Variants in SORL1 observed in about 807,000 individuals in gnomAD.
SORL1 encodes the protein sortilin related receptor 1.
A neutral mutation model predicts 273.7 loss-of-function variants in SORL1; 127 were observed. That is an observed-to-expected ratio of 0.46 (90% CI 0.40 to 0.54). SORL1 has a LOEUF of 0.54. SORL1 is among the 20% of genes least tolerant of loss of function. The pLI, the probability that SORL1 is intolerant of heterozygous loss-of-function variation, is 0.00. For synonymous variants in SORL1, 1,031 were observed against 1,067.4 expected, an observed-to-expected ratio of 0.97 and a Z score of 0.66; for missense variants, 2,494 against 2,846.1, an observed-to-expected ratio of 0.88 and a Z score of 2.81.
At chr11:121,539,419 C>G (rs1398515471) in intron 12 of SORL1, among the ~76,000 whole-genome samples, 4 of 152,108 alleles carry the variant, frequency 2.6e-5, no homozygotes, top group African/African-American at 9.7e-5. Flanking sequence ...TTTCCCTATT[C>G]TAGTTTTTGA....
At chr11:121,613,766 C>T (rs1003062228) in intron 40 of SORL1, among the ~76,000 whole-genome samples, 3 of 152,162 alleles carry the variant, frequency 2.0e-5, no homozygotes, top group Non-Finnish European at 2.9e-5. Context: ...GGATTGGAAC[C>T]CACATCTTTC....
intron 3 of SORL1, among the ~76,000 whole-genome samples, chr11:121,481,109 A>G (rs868296650): frequency 3.5e-4 from 30 of 86,290 alleles, no homozygotes; most frequent in East Asian, 7.2e-4. Context: ...CTCCCCTAGT[A>G]CACAGATACC....
intron 21 of SORL1, among the ~76,000 whole-genome samples, chr11:121,565,627 T>TG (rs1181132278): frequency 6.6e-6 from 1 of 152,246 alleles, no homozygotes; most frequent in Non-Finnish European, 1.5e-5. Flanking sequence ...TCTAAGTTTT[T>TG]ATGTTCATTT....
chr11:121,538,717 C>G (rs972012747), intron 12 of SORL1, among the ~76,000 whole-genome samples: 4 of 151,996 alleles, frequency 2.6e-5, no homozygotes, highest in Non-Finnish European at 4.4e-5. Flanking sequence ...CTCACTCTGT[C>G]GCTTAGGCTG....
chr11:121,593,253 G>A (rs1863243460), intron 31 of SORL1, among the ~76,000 whole-genome samples: 2 of 152,094 alleles, frequency 1.3e-5, no homozygotes, highest in African/African-American at 2.4e-5. Context: ...TGAGATATAG[G>A]GAAAGCCCCT....
Position 121,590,024 on chromosome 11 carries a change from T to C in SORL1, c.4079-16T>C. The stretch of plus-strand genomic sequence containing the variant: ...GATGCAGGGAAAGCAACTGATGATG[T>C]GGTTGATCTCTGCAGAAAACCCCAC... On this transcript the variant is annotated splice_polypyrimidine_tract_variant and intron_variant, in intron 29 of 47. Transcript: ENST00000260197. The C allele has an allele frequency of 6.2e-7, 1 of 1,613,236 alleles. No homozygotes were observed. The highest frequency in any genetic ancestry group is 8.5e-7 in the Non-Finnish European group (1 of 1,179,502).
intron 38 of SORL1, chr11:121,610,161 A>G (rs1863540411): frequency 6.6e-6 from 1 of 152,248 alleles, no homozygotes; most frequent in Non-Finnish European, 1.5e-5. Context: ...TGCCCAGTCT[A>G]TAGAAGGGGC....
chr11:121,504,759 C>T (rs1206872580), intron 6 of SORL1, among the ~76,000 whole-genome samples: 3 of 152,076 alleles, frequency 2.0e-5, no homozygotes, highest in African/African-American at 7.2e-5. Context: ...AGTAGGCATC[C>T]TTGTCTTATT....
At chr11:121,576,752 C>T in intron 24 of SORL1, 1 of 1,469,546 alleles carries the variant, frequency 6.8e-7, no homozygotes, top group Non-Finnish European at 9.0e-7. Flanking sequence ...GTCCCTGGAG[C>T]TCTGCCCACA....
chr11:121,530,837 C>T (rs1171264398), intron 11 of SORL1, among the ~76,000 whole-genome samples: 1 of 152,208 alleles, frequency 6.6e-6, no homozygotes, highest in East Asian at 1.9e-4. Flanking sequence ...CCTTTTTCCC[C>T]TGTATGTTCT....
At chr11:121,603,021 C>T (rs1863418524) in intron 32 of SORL1, among the ~76,000 whole-genome samples, 1 of 152,196 alleles carries the variant, frequency 6.6e-6, no homozygotes, top group Non-Finnish European at 1.5e-5. Flanking sequence ...CTTCTGTATT[C>T]TCTCTGTCTC....
At chr11:121,530,793 CT>C (rs1357122615) in intron 11 of SORL1, among the ~76,000 whole-genome samples, 1 of 152,004 alleles carries the variant, frequency 6.6e-6, no homozygotes, top group Non-Finnish European at 1.5e-5. Context: ...GTTATTGTTC[CT>C]TGTGTCCTTG....
At chr11:121,623,704 C>T (rs932059421) in intron 45 of SORL1, among the ~76,000 whole-genome samples, 8 of 152,176 alleles carry the variant, frequency 5.3e-5, no homozygotes, top group African/African-American at 1.7e-4. Flanking sequence ...GGCAGCCAGT[C>T]GCCATTAGGG....
At chr11:121,541,048 A>G (rs1862339493) in intron 12 of SORL1, among the ~76,000 whole-genome samples, 1 of 152,230 alleles carries the variant, frequency 6.6e-6, no homozygotes, top group Non-Finnish European at 1.5e-5. Flanking sequence ...TATCTGTTTC[A>G]AAATTTTCTT....
chr11:121,532,687 CTTT>C (rs35892410), intron 12 of SORL1, 135 bp downstream of exon 12: 1,082 of 518,490 alleles, frequency 2.1e-3, no homozygotes, highest in South Asian at 3.0e-3. Flanking sequence ...ATGAGTTAAA[CTTT>C]TTTTTTTTTT....
chr11:121,499,836 A>G (rs1456320523), intron 6 of SORL1, among the ~76,000 whole-genome samples: 1 of 152,226 alleles, frequency 6.6e-6, no homozygotes, highest in Non-Finnish European at 1.5e-5. Context: ...TGGGAAAATC[A>G]AAGAACTGAT....
intron 41 of SORL1, among the ~76,000 whole-genome samples, 157 bp downstream of exon 41, chr11:121,615,212 G>A (rs1863622590): frequency 6.6e-6 from 1 of 152,104 alleles, no homozygotes; most frequent in African/African-American, 2.4e-5. Context: ...TTTCATACGT[G>A]CATTATGATT....
At chr11:121,618,137 C>T (rs1482869799) in intron 41 of SORL1, among the ~76,000 whole-genome samples, 1 of 152,206 alleles carries the variant, frequency 6.6e-6, no homozygotes, top group African/African-American at 2.4e-5. Flanking sequence ...GACACTTCTG[C>T]ATCTCAATGG....
Position 121,532,559 on chromosome 11 carries a change from GTC to G in SORL1, c.1685+11_1685+12del, listed in dbSNP as rs1862217178. On this transcript the variant is annotated splice_region_variant and intron_variant, in intron 12 of 47. Transcript: ENST00000260197. ...TGGAAACCAACGAGCTAAAGTAAGT[GTC>G]TCTGATGAGGCCTTTTAACATCAAA... The G allele has an allele frequency of 6.2e-7, 1 of 1,612,430 alleles. No homozygotes were observed. The highest frequency in any genetic ancestry group is 8.5e-7 in the Non-Finnish European group (1 of 1,178,560).
Sources: allele counts gnomAD v4.1 joint callset (sites outside exome capture counted in the v4.1 genomes callset), GRCh38; gene constraint gnomAD v4.1.1; transcripts MANE v1.5; gene names NCBI Gene and HGNC (gene_info 2026-07-23, HGNC 2026-07-21).